The following CUL2 variants were observed in gnomAD, a reference collection of about 807,000 sequenced individuals.
The protein encoded by CUL2 is cullin 2, also known as cullin-2.
In CUL2, 22 loss-of-function variants were observed where a neutral mutation model predicts 110.2. That is an observed-to-expected ratio of 0.20 (90% CI 0.14 to 0.28). The LOEUF (loss-of-function observed/expected upper bound fraction) is 0.28. CUL2 is among the 10% of genes least tolerant of loss of function. The probability of loss-of-function intolerance (pLI) is 1.00; values close to 1 mark genes in which losing one functional copy is unlikely to be tolerated. For synonymous variants in CUL2, 279 were observed against 293.2 expected (o/e 0.95, Z 0.49); for missense variants, 631 against 905.5 (o/e 0.70, Z 3.89).
chr10:35,073,508 T>C (rs916792779), intron 1 of CUL2, among the ~76,000 whole-genome samples: 6 of 152,176 alleles, frequency 3.9e-5, no homozygotes. Context: ...CTAGTCTAAG[T>C]ACCCTGTACA....
intron 1 of CUL2, chr10:35,089,958 C>T (rs1039169529): frequency 6.6e-6 from 1 of 152,308 alleles, no homozygotes; most frequent in East Asian, 1.9e-4. Context: ...TTGGGGAGGC[C>T]CGGGATCCAG....
At chr10:35,023,790 C>A (rs943948662) in intron 17 of CUL2, among the ~76,000 whole-genome samples, 1 of 151,896 alleles carries the variant, frequency 6.6e-6, no homozygotes, top group African/African-American at 2.4e-5. Context: ...CCTGGTCCAG[C>A]ATTTTTTTCT....
chr10:35,111,871 T>C (rs1035570334), intron 1 of CUL2, among the ~76,000 whole-genome samples: 2 of 152,134 alleles, frequency 1.3e-5, no homozygotes. Flanking sequence ...GCCTGATATA[T>C]TGCTATTAAT....
intron 20 of CUL2, among the ~76,000 whole-genome samples, chr10:35,010,806 A>G (rs577737258): frequency 6.6e-6 from 1 of 152,292 alleles, no homozygotes; most frequent in East Asian, 1.9e-4. Context: ...AGTGCATGCT[A>G]ATGTAATTTT....
chr10:35,096,976 T>C (rs986065387), intron 2 of CUL2, among the ~76,000 whole-genome samples: 34 of 152,068 alleles, frequency 2.2e-4, no homozygotes, highest in African/African-American at 7.9e-4. Context: ...TACTCGGCTA[T>C]TTTTTGTATT....
chr10:35,085,376 G>C (rs1029079755), intron 1 of CUL2, among the ~76,000 whole-genome samples: 1 of 151,720 alleles, frequency 6.6e-6, no homozygotes, highest in Non-Finnish European at 1.5e-5. Flanking sequence ...CTTGCAGTGA[G>C]CTGAGATCGC....
rs997245036 is a variant in CUL2, at chr10:35,068,510, G to C, written c.119+2689C>G. On this transcript the variant is annotated intron_variant, in intron 2 of 20. Transcript: ENST00000374749. ...AGAAACGGGTGGGATTGTGAACTTA[G>C]AGGGTCACGTGTTTCGGGTGGGGGT... is the stretch of plus-strand genomic sequence containing the variant. 2.6e-5 allele frequency among the ~76,000 whole-genome samples: 4 copies of C among 152,334 alleles called. No homozygotes were observed. The East Asian group carries it at 7.7e-4, about 29-fold the overall frequency.
At chr10:35,074,634 G>A (rs372851008) in intron 1 of CUL2, among the ~76,000 whole-genome samples, 11 of 152,222 alleles carry the variant, frequency 7.2e-5, no homozygotes, top group South Asian at 2.1e-4. Flanking sequence ...GATTACAGGC[G>A]TGAGCCATCG....
At chr10:35,115,495 G>C (rs1367698657) in intron 1 of CUL2, among the ~76,000 whole-genome samples, 2 of 152,234 alleles carry the variant, frequency 1.3e-5, no homozygotes, top group Non-Finnish European at 2.9e-5. Context: ...GGGAGGCAGA[G>C]GTTGCAGTGA....
At chr10:35,076,243 A>G (rs1299211573) in intron 1 of CUL2, among the ~76,000 whole-genome samples, 1 of 152,162 alleles carries the variant, frequency 6.6e-6, no homozygotes, top group Non-Finnish European at 1.5e-5. Flanking sequence ...GACAGAAAGT[A>G]TGTGAGTGGT....
chr10:35,021,908 G>GGGTGAGGTGGGGTGAGGTGT (rs2085209876), intron 17 of CUL2, among the ~76,000 whole-genome samples: 1 of 145,190 alleles, frequency 6.9e-6, no homozygotes, highest in Non-Finnish European at 1.5e-5. Flanking sequence ...GGGTGAGGTG[G>GGGTGAGGTGGGGTGAGGTGT]GGCGAAGTGG....
rs1156921083 is a variant in CUL2 at position 35,041,095 on chromosome 10, A to T, written c.715-2013T>A. Among the ~76,000 whole-genome samples the T allele has an allele frequency of 5.9e-5, 9 of 152,354 alleles. No individual in the cohort carries two copies. The East Asian group carries it at 1.7e-3, about 29-fold the overall frequency. Reference sequence around the variant, plus strand: ...TCTAGAGGACAAAAGTGTTCACCACATATTACATCAGCTAAGAAAGGCACT... The same window carrying T: ...TCTAGAGGACAAAAGTGTTCACCACTTATTACATCAGCTAAGAAAGGCACT... On this transcript the variant is annotated intron_variant, in intron 8 of 20. Transcript: ENST00000374749.
intron 15 of CUL2, among the ~76,000 whole-genome samples, 176 bp from the exon 16 acceptor site, chr10:35,029,063 G>GCT (rs760730198): frequency 4.2e-5 from 6 of 142,044 alleles, no homozygotes; most frequent in African/African-American, 1.0e-4. Flanking sequence ...ACCTTTTTTT[G>GCT]TTTTTTTTTT....
chr10:35,123,497 G>A (rs1272003711), intron 1 of CUL2, among the ~76,000 whole-genome samples: 1 of 152,036 alleles, frequency 6.6e-6, no homozygotes, highest in Admixed American at 6.6e-5. Context: ...AAAAAAAAAA[G>A]GGATGGATGC....
intron 4 of CUL2, 75 bp downstream of exon 4, chr10:35,060,799 T>TA (rs1294583339): frequency 8.5e-7 from 1 of 1,182,010 alleles, no homozygotes; most frequent in East Asian, 2.4e-5. Context: ...AAATAGGCAA[T>TA]AAAAAAATTA....
At chr10:35,110,289 C>A (rs535240686) in intron 1 of CUL2, among the ~76,000 whole-genome samples, 2 of 152,316 alleles carry the variant, frequency 1.3e-5, no homozygotes, top group African/African-American at 2.4e-5. Flanking sequence ...TTTATCCAGG[C>A]ACAGTGGCTC....
upstream of CUL2, among the ~76,000 whole-genome samples, chr10:35,093,582 C>G (rs2087246377): frequency 6.7e-6 from 1 of 148,800 alleles, no homozygotes; most frequent in Non-Finnish European, 1.5e-5. Context: ...TCACTTGAAC[C>G]TGGGAGGCAG....
intron 1 of CUL2, among the ~76,000 whole-genome samples, chr10:35,110,901 T>C (rs2135128189): frequency 6.6e-6 from 1 of 152,292 alleles, no homozygotes; most frequent in East Asian, 1.9e-4. Context: ...AGGTTGAGAC[T>C]TAGAGAAGTG....
At chr10:35,026,923 T>C (rs2063632321) in intron 16 of CUL2, among the ~76,000 whole-genome samples, 1 of 152,080 alleles carries the variant, frequency 6.6e-6, no homozygotes, top group Admixed American at 6.6e-5. Context: ...CATGCTGGTG[T>C]GCTGCACCCA....
Sources: allele counts gnomAD v4.1 joint callset (sites outside exome capture counted in the v4.1 genomes callset), GRCh38; gene constraint gnomAD v4.1.1; transcripts MANE v1.5; gene names NCBI Gene and HGNC (gene_info 2026-07-23, HGNC 2026-07-21).